ATF1: variants seen among roughly 807,000 people sequenced by gnomAD.
ATF1 encodes the protein activating transcription factor 1, also known as cyclic AMP-dependent transcription factor ATF-1.
A neutral mutation model predicts 34.7 loss-of-function variants in ATF1; 16 were observed. That is an observed-to-expected ratio of 0.46 (90% CI 0.31 to 0.70). The LOEUF (loss-of-function observed/expected upper bound fraction) is 0.70, where lower values mean the gene tolerates loss of function less well. ATF1 is among the 30% of genes least tolerant of loss of function. The pLI is 0.05. For missense variants in ATF1, 255 were observed against 321.6 expected, an observed-to-expected ratio of 0.79 and a Z score of 1.58; for synonymous variants, 105 against 113.1, an observed-to-expected ratio of 0.93 and a Z score of 0.46.
At chr12:50,772,972 C>T (rs991134516) in intron 1 of ATF1, among the ~76,000 whole-genome samples, 4 of 152,126 alleles carry the variant, frequency 2.6e-5, no homozygotes, top group African/African-American at 9.7e-5. Context: ...CCATGTGTCC[C>T]CGTGTTCTCA....
intron 3 of ATF1, among the ~76,000 whole-genome samples, chr12:50,806,138 G>A (rs1257257123): frequency 6.8e-6 from 1 of 146,316 alleles, no homozygotes. Context: ...CAACAAAAGC[G>A]AAACTGTCTC....
intron 1 of ATF1, among the ~76,000 whole-genome samples, chr12:50,765,201 C>A (rs1395147660): frequency 1.3e-5 from 2 of 152,184 alleles, no homozygotes; most frequent in East Asian, 3.9e-4. Flanking sequence ...AAACTGGCCT[C>A]ACCTGTGATG....
intron 1 of ATF1, among the ~76,000 whole-genome samples, chr12:50,766,126 C>G (rs1940628830): frequency 1.3e-5 from 2 of 152,198 alleles, no homozygotes; most frequent in South Asian, 4.1e-4. Flanking sequence ...TGCAGAAACC[C>G]TGACCCAACG....
At chr12:50,792,324 C>A (rs915399388) in intron 2 of ATF1, among the ~76,000 whole-genome samples, 1 of 152,156 alleles carries the variant, frequency 6.6e-6, no homozygotes, top group Non-Finnish European at 1.5e-5. Context: ...AAATGTGTTT[C>A]CAGTGTTAAG....
Position 50,795,886 on chromosome 12 carries a change from T to C in ATF1, c.94-23T>C, listed in dbSNP as rs1447872160. The C allele has an allele frequency of 3.8e-6, 6 of 1,574,280 alleles. No homozygotes were observed. In the Admixed American group the frequency reaches 5.1e-5, roughly 13 times the overall value. On this transcript the variant is annotated intron_variant, in intron 2 of 6. Coordinates refer to ENST00000262053, the MANE Select transcript of ATF1 (RefSeq NM_005171.5). ...CTTTTCCCACCTGCATTGTTCATCA[T>C]GTTAATGCCAGTTCTTTTTTAGGTA...
At chr12:50,816,252 A>AG (rs1456028606) in intron 6 of ATF1, among the ~76,000 whole-genome samples, 1 of 152,130 alleles carries the variant, frequency 6.6e-6, no homozygotes, top group Non-Finnish European at 1.5e-5. Flanking sequence ...GCTTGAGCCC[A>AG]GGGGGTTGAG....
chr12:50,787,174 G>A (rs1941202974), intron 2 of ATF1, among the ~76,000 whole-genome samples: 1 of 152,126 alleles, frequency 6.6e-6, no homozygotes, highest in African/African-American at 2.4e-5. Flanking sequence ...TTAGTCTCTA[G>A]TGTCTTACCC....
intron 1 of ATF1, among the ~76,000 whole-genome samples, chr12:50,766,000 G>A (rs1374267102): frequency 6.6e-6 from 1 of 151,962 alleles, no homozygotes; most frequent in Non-Finnish European, 1.5e-5. Flanking sequence ...CTTTTACATC[G>A]CACTGTGGAC....
At chr12:50,811,082 G>A (rs1186539772) in intron 4 of ATF1, among the ~76,000 whole-genome samples, 3 of 152,090 alleles carry the variant, frequency 2.0e-5, no homozygotes, top group Admixed American at 1.3e-4. Context: ...TCAGACACAC[G>A]AGCTTGTTTC....
Position 50,814,428 on chromosome 12 carries a change from A to G in ATF1, c.660A>G (p.Leu220=), listed in dbSNP as rs771441165. 6.2e-7 allele frequency: 1 copy of G among 1,613,912 alleles called. No individual in the cohort carries two copies. The highest frequency in any genetic ancestry group is 1.1e-5 in the South Asian group (1 of 91,006). Residue 220 remains leucine, a synonymous_variant, in exon 6 of 7, where the codon TTA becomes TTG. Transcript: ENST00000262053. ...DDPQLKREIR[L]MKNREAAREC... ...CCCAATTGAAAAGAGAAATAAGGTTAATGAAAAACAGGTAGGTAGTAAAAT... is the reference window on the plus strand; with the variant it reads ...CCCAATTGAAAAGAGAAATAAGGTTGATGAAAAACAGGTAGGTAGTAAAAT...
At chr12:50,790,332 A>G (rs1285873290) in intron 2 of ATF1, among the ~76,000 whole-genome samples, 2 of 151,620 alleles carry the variant, frequency 1.3e-5, no homozygotes, top group African/African-American at 2.4e-5. Context: ...AGCCTCCCAC[A>G]TAGCTGTGAC....
chr12:50,764,326 GGGACGTGCCCCGTGGCCCGGGCGGGGAA>G lies in ATF1; in HGVS notation c.-7+25_-7+52del, dbSNP rs940447491. ...GCCACAGGTAAGTGGGGGGCGGGGA[GGGACGTGCCCCGTGGCCCGGGCGGGGAA>G]GGACGCGGGAACGTGGCGCCGGCGG... On this transcript the variant is annotated intron_variant, in intron 1 of 6. Coordinates refer to ENST00000262053, the MANE Select transcript of ATF1 (RefSeq NM_005171.5). 4.6e-5 allele frequency: 7 copies of G among 151,984 alleles called. No homozygotes were observed. The highest frequency in any genetic ancestry group is 1.0e-4 in the Non-Finnish European group (7 of 67,964). The allele number at this position is 151,984 out of a possible 1,614,324, so 9.4% of individuals were successfully genotyped here. A position where few individuals can be genotyped will look rare whatever the true frequency, so the allele number is the denominator to read the frequency against.
chr12:50,795,183 T>A (rs1178260739), intron 2 of ATF1, among the ~76,000 whole-genome samples: 1 of 152,224 alleles, frequency 6.6e-6, no homozygotes, highest in African/African-American at 2.4e-5. Context: ...CTTTATTTTA[T>A]CTCAGCTTGT....
intron 4 of ATF1, 106 bp downstream of exon 4, chr12:50,809,695 T>A: frequency 8.3e-7 from 1 of 1,209,542 alleles, no homozygotes; most frequent in Non-Finnish European, 1.1e-6. Flanking sequence ...TGATGATTAT[T>A]AAAGGATGTT....
At chr12:50,816,717 A>AC (rs1241412320) in intron 6 of ATF1, among the ~76,000 whole-genome samples, 2 of 152,044 alleles carry the variant, frequency 1.3e-5, no homozygotes, top group African/African-American at 2.4e-5. Flanking sequence ...ATATAGGGAG[A>AC]CCCCATCTCT....
chr12:50,777,124 G>C (rs1331060502), intron 1 of ATF1, among the ~76,000 whole-genome samples: 1 of 152,116 alleles, frequency 6.6e-6, no homozygotes. Flanking sequence ...AAAATGCTGG[G>C]ATTACAGGCA....
At chr12:50,783,489 T>C (rs1006757358) in intron 2 of ATF1, among the ~76,000 whole-genome samples, 1 of 152,208 alleles carries the variant, frequency 6.6e-6, no homozygotes, top group African/African-American at 2.4e-5. Context: ...ATGTGACTCT[T>C]CAAATTTCCT....
At chr12:50,787,910 G>A (rs1941218017) in intron 2 of ATF1, among the ~76,000 whole-genome samples, 1 of 152,186 alleles carries the variant, frequency 6.6e-6, no homozygotes, top group Admixed American at 6.5e-5. Context: ...TCCAAGAACT[G>A]TGGAATAATA....
In ATF1 at chr12:50,820,297, G is replaced by GTCT. The variant is rs1231324343; in HGVS notation, c.*520_*522dup. On this transcript the variant is annotated 3_prime_UTR_variant, in exon 7 of 7. Transcript: ENST00000262053. ...TTATGTATACTTGTTCTAGTGTCAAGTCTTTTTAAGTGGGTTTTTAAAAGT... is the reference window on the plus strand; with the variant it reads ...TTATGTATACTTGTTCTAGTGTCAAGTCTTCTTTTTAAGTGGGTTTTTAAAAGT... The GTCT allele has an allele frequency of 1.6e-5, 3 of 190,188 alleles. No individual in the cohort carries two copies. Among genetic ancestry groups the GTCT allele is most frequent in the Non-Finnish European group, 2.2e-5 (2 of 90,684 alleles). The allele number at this position is 190,188 out of a possible 1,614,324, so 11.8% of individuals were successfully genotyped here. A position where few individuals can be genotyped will look rare whatever the true frequency, so the allele number is the denominator to read the frequency against.
Sources: allele counts gnomAD v4.1 joint callset (sites outside exome capture counted in the v4.1 genomes callset), GRCh38; gene constraint gnomAD v4.1.1; transcripts MANE v1.5; gene names NCBI Gene and HGNC (gene_info 2026-07-23, HGNC 2026-07-21).